Variants in SSH2 observed in about 807,000 individuals in gnomAD.
SSH2 encodes the protein slingshot protein phosphatase 2.
Under a neutral mutation model 135.2 loss-of-function variants are expected in SSH2, and 37 were observed. The ratio of observed to expected loss-of-function variants is 0.27; its 90% CI spans 0.21 to 0.36. The LOEUF (loss-of-function observed/expected upper bound fraction) is 0.36. Ranked by LOEUF, SSH2 falls within the 10% of genes least tolerant of loss-of-function variation. The pLI, the probability that SSH2 is intolerant of heterozygous loss-of-function variation, is 1.00. For missense variants in SSH2, 1,408 were observed against 1,765.3 expected, an observed-to-expected ratio of 0.80 and a Z score of 3.63; for synonymous variants, 628 against 646.2, an observed-to-expected ratio of 0.97 and a Z score of 0.43.
intron 2 of SSH2, among the ~76,000 whole-genome samples, chr17:29,804,055 A>G (rs1317040870): frequency 6.6e-6 from 1 of 152,244 alleles, no homozygotes; most frequent in Non-Finnish European, 1.5e-5. Flanking sequence ...AGTCTAATTT[A>G]GATCAAGATA....
chr17:29,843,262 C>T (rs1265654078), intron 2 of SSH2, among the ~76,000 whole-genome samples: 3 of 152,088 alleles, frequency 2.0e-5, no homozygotes, highest in East Asian at 1.9e-4. Context: ...AGGCTGGGCG[C>T]GGTGGCTCAC....
chr17:29,660,439 G>A (rs1021572425), intron 11 of SSH2, among the ~76,000 whole-genome samples: 1 of 151,542 alleles, frequency 6.6e-6, no homozygotes, highest in African/African-American at 2.4e-5. Flanking sequence ...GCTAATTTTT[G>A]TATTTTTAGT....
Position 29,636,343 on chromosome 17 carries a change from C to T in SSH2, c.1887G>A (p.Leu629=). ...GTAGGTGGACATTCATGTCTGCTTT[C>T]AGTGCATCTGTCTCCAAATCTTCCA... ...LTVEDLETDA[L]KADMNVHLLP... The change falls in exon 15 of 16, where the codon CTG becomes CTA. Residue 629 remains leucine (L), a synonymous_variant. Coordinates refer to ENST00000540801, the MANE Select transcript of SSH2 (RefSeq NM_001282129.2). 1 of 1,614,200 alleles carries T rather than the reference C, an allele frequency of 6.2e-7. No homozygotes were observed. The highest frequency in any genetic ancestry group is 8.5e-7 in the Non-Finnish European group (1 of 1,180,046).
intron 1 of SSH2, among the ~76,000 whole-genome samples, chr17:29,898,959 G>A (rs948949763): frequency 1.3e-5 from 2 of 152,180 alleles, no homozygotes; most frequent in Non-Finnish European, 2.9e-5. Context: ...TCCCTGGGAT[G>A]CAAGACTGGT....
intron 3 of SSH2, among the ~76,000 whole-genome samples, chr17:29,779,843 T>G (rs1399960150): frequency 7.6e-5 from 6 of 78,524 alleles, no homozygotes; most frequent in Non-Finnish European, 1.4e-4. Flanking sequence ...AAAAAAAAGA[T>G]GAACAGCTTC....
At chr17:29,649,294 G>A (rs1470479266) in intron 13 of SSH2, among the ~76,000 whole-genome samples, 1 of 152,040 alleles carries the variant, frequency 6.6e-6, no homozygotes, top group Non-Finnish European at 1.5e-5. Flanking sequence ...CTAATCCTAA[G>A]TAAAATTAGC....
chr17:29,876,934 C>A (rs1391269617), intron 1 of SSH2, among the ~76,000 whole-genome samples: 3 of 151,726 alleles, frequency 2.0e-5, no homozygotes, highest in Admixed American at 6.6e-5. Context: ...AAGAGACAAC[C>A]CACAAAATGG....
At position 29,702,907 on chromosome 17, in the gene SSH2, G is replaced by A. The variant is rs976980013; in HGVS notation, c.292+52C>T. On this transcript the variant is annotated intron_variant, in intron 4 of 15. Coordinates refer to ENST00000540801, the MANE Select transcript of SSH2 (RefSeq NM_001282129.2). ...GATGAGGTAGTCAACCTTTTAGAAT[G>A]TAACAAAAGATATAGTTACCAAGAA... 2.2e-5 allele frequency: 29 copies of A among 1,346,456 alleles called. 1 individual carries two copies. In the African/African-American group the frequency reaches 2.3e-4, roughly 11 times the overall value. 83.4% of individuals were successfully genotyped at this position (1,346,456 alleles called of 1,614,324 possible). A position where few individuals can be genotyped will look rare whatever the true frequency, so the allele number is the denominator to read the frequency against.
intron 2 of SSH2, among the ~76,000 whole-genome samples, chr17:29,809,216 TG>T (rs1322926378): frequency 6.6e-6 from 1 of 152,220 alleles, no homozygotes; most frequent in Non-Finnish European, 1.5e-5. Flanking sequence ...ATTGCACCAC[TG>T]CACTCCAGCC....
At chr17:29,666,590 G>A (rs1455223878) in intron 11 of SSH2, among the ~76,000 whole-genome samples, 1 of 152,104 alleles carries the variant, frequency 6.6e-6, no homozygotes, top group Non-Finnish European at 1.5e-5. Context: ...GGCTGAGGCA[G>A]GAGAATTGCT....
At chr17:29,831,833 CCTCCCAAAGTG>C (rs979857148) in intron 2 of SSH2, among the ~76,000 whole-genome samples, 5 of 152,080 alleles carry the variant, frequency 3.3e-5, no homozygotes, top group African/African-American at 1.2e-4. Context: ...CCAGCCTCGG[CCTCCCAAAGTG>C]CTGAGATTAC....
intron 1 of SSH2, among the ~76,000 whole-genome samples, chr17:29,862,186 A>T (rs1288731728): frequency 6.6e-6 from 1 of 152,202 alleles, no homozygotes; most frequent in East Asian, 1.9e-4. Flanking sequence ...CAATTTGAAA[A>T]TTTAAATCAG....
At chr17:29,763,206 A>G (rs1308974914) in intron 3 of SSH2, among the ~76,000 whole-genome samples, 1 of 152,202 alleles carries the variant, frequency 6.6e-6, no homozygotes, top group Non-Finnish European at 1.5e-5. Context: ...CTGAAAACTC[A>G]TGCTGTAAAG....
chr17:29,888,658 G>A (rs894011591), intron 1 of SSH2, among the ~76,000 whole-genome samples: 2 of 152,044 alleles, frequency 1.3e-5, no homozygotes, highest in Admixed American at 1.3e-4. Context: ...GTGACAGCCA[G>A]CTGCAATGGC....
chr17:29,639,359 C>T (rs1385570957), intron 14 of SSH2, among the ~76,000 whole-genome samples: 2 of 152,112 alleles, frequency 1.3e-5, no homozygotes, highest in Non-Finnish European at 1.5e-5. Flanking sequence ...GTCTCCATGA[C>T]TTACAAGCTG....
At chr17:29,702,742 C>T (rs2039037545) in intron 4 of SSH2, among the ~76,000 whole-genome samples, 1 of 152,134 alleles carries the variant, frequency 6.6e-6, no homozygotes. Flanking sequence ...TATTATTATT[C>T]CAACAAAAAT....
chr17:29,892,029 A>G (rs2066358745), intron 1 of SSH2, among the ~76,000 whole-genome samples: 1 of 152,124 alleles, frequency 6.6e-6, no homozygotes, highest in Non-Finnish European at 1.5e-5. Flanking sequence ...CAAATGAAGT[A>G]ATAGCCGACT....
chr17:29,756,868 G>C (rs184540036), intron 3 of SSH2, among the ~76,000 whole-genome samples: 8 of 151,952 alleles, frequency 5.3e-5, no homozygotes, highest in African/African-American at 1.9e-4. Context: ...TGCTGGCCAG[G>C]CTGGTCTCGA....
chr17:29,662,632 ATTT>A (rs528374361), intron 11 of SSH2, among the ~76,000 whole-genome samples: 1 of 151,562 alleles, frequency 6.6e-6, no homozygotes, highest in Admixed American at 6.6e-5. Context: ...CAATTTGAGG[ATTT>A]TTTTTTAACT....
Sources: allele counts gnomAD v4.1 joint callset (sites outside exome capture counted in the v4.1 genomes callset), GRCh38; gene constraint gnomAD v4.1.1; transcripts MANE v1.5; gene names NCBI Gene and HGNC (gene_info 2026-07-23, HGNC 2026-07-21).